Variants in ELFN1 observed in about 807,000 individuals in gnomAD.
ELFN1 encodes extracellular leucine rich repeat and fibronectin type III domain containing 1.
ELFN1 carries 6 observed loss-of-function variants against 7.6 expected under a neutral mutation model. That is an observed-to-expected ratio of 0.79 (90% CI 0.43 to 1.56). ELFN1 has a LOEUF of 1.56. ELFN1 is among the 40% of genes most tolerant of loss of function. The pLI is 0.01. For synonymous variants in ELFN1, 657 were observed against 588.1 expected (o/e 1.12, Z -1.70); for missense variants, 1,169 against 1,232.2 (o/e 0.95, Z 0.77).
rs1184500482 is a variant in ELFN1 at position 1,670,440 on chromosome 7, C to G, written c.-549+86C>G. On this transcript the variant is annotated intron_variant, in intron 1 of 3. Coordinates refer to ENST00000424383, the MANE Select transcript of ELFN1 (RefSeq NM_001128636.4). This position sits in a 1 kb window ranked among gnomAD's most constrained non-coding sequence, Gnocchi z 6.4. ...GGGAGCGGCGCGGCCAAGCCCCCCG[C>G]CACCTCGAACCCCGGGCGTCCCCGA... Among the ~76,000 whole-genome samples, 1 of 151,736 alleles carries G rather than the reference C, an allele frequency of 6.6e-6. No individual in the cohort carries two copies. Among genetic ancestry groups the G allele is most frequent in the African/African-American group, 2.4e-5 (1 of 41,340 alleles).
Position 1,698,274 on chromosome 7 carries a change from T to C in ELFN1, c.-456+10124T>C, listed in dbSNP as rs374237148. Among the ~76,000 whole-genome samples, 106 of 152,362 alleles carry C rather than the reference T, an allele frequency of 7.0e-4. 2 individuals are homozygous for C. The South Asian group carries it at 0.021, about 31-fold the overall frequency. On this transcript the variant is annotated intron_variant, in intron 2 of 3. Transcript: ENST00000424383. The stretch of plus-strand genomic sequence containing the variant: ...ACTTATCAAATTTACAGCTCTCATA[T>C]ACAATTCATCAGGTTAATGCCTTCG...
In ELFN1 at chr7:1,744,990, G is replaced by T; in HGVS notation, c.394G>T (p.Gly132Cys). The T allele has an allele frequency of 6.4e-7, 1 of 1,551,126 alleles. No individual in the cohort carries two copies. Among genetic ancestry groups the T allele is most frequent in the Non-Finnish European group, 8.7e-7 (1 of 1,147,000 alleles). Residue 132 changes from glycine (G) to cysteine (C), a missense_variant, in exon 4 of 4, where the codon GGC becomes TGC. Physicochemically the swap from Gly to Cys is radical, Grantham distance 159. Around this residue, in one of 2 missense-constraint regions of ELFN1, gnomAD observed 255 missense variants for 359.6 expected, o/e 0.71. Coordinates refer to ENST00000424383, the MANE Select transcript of ELFN1 (RefSeq NM_001128636.4). ...NLTEGMLRGLGKLEYLYLQAN... is the reference protein window; with the variant it reads ...NLTEGMLRGLCKLEYLYLQAN... ...CACGGAGGGCATGCTGCGCGGCCTGGGCAAGCTGGAGTACCTGTACCTGCA... is the reference window on the plus strand; with the variant it reads ...CACGGAGGGCATGCTGCGCGGCCTGTGCAAGCTGGAGTACCTGTACCTGCA...
At chr7:1,675,632 G>A (rs1449288215) in intron 1 of ELFN1, among the ~76,000 whole-genome samples, 1 of 152,216 alleles carries the variant, frequency 6.6e-6, no homozygotes, top group Non-Finnish European at 1.5e-5. Flanking sequence ...GCCGAGGAGC[G>A]GGGTCTGGAA....
intron 3 of ELFN1, among the ~76,000 whole-genome samples, chr7:1,728,776 T>C (rs1341963265): frequency 6.6e-6 from 1 of 152,132 alleles, no homozygotes; most frequent in Non-Finnish European, 1.5e-5. Context: ...TATCAGGAAC[T>C]GAGTGGGAGG....
chr7:1,705,985 G>A lies in ELFN1; in HGVS notation c.-455-3106G>A, dbSNP rs2128586163. On this transcript the variant is annotated intron_variant, in intron 2 of 3. Coordinates refer to ENST00000424383, the MANE Select transcript of ELFN1 (RefSeq NM_001128636.4). This position sits in a 1 kb window ranked among gnomAD's most constrained non-coding sequence, Gnocchi z 4.3. Reference sequence around the variant, plus strand: ...GTCACGATCGTCCTTGTTCTACAGGGAGGGAAACTGAGGCACAGCATTCCA... The same window carrying A: ...GTCACGATCGTCCTTGTTCTACAGGAAGGGAAACTGAGGCACAGCATTCCA... Among the ~76,000 whole-genome samples, 1 of 152,278 alleles carries A rather than the reference G, an allele frequency of 6.6e-6. No individual in the cohort carries two copies. Among genetic ancestry groups the A allele is most frequent in the African/African-American group, 2.4e-5 (1 of 41,558 alleles).
In ELFN1 at chr7:1,746,477, C is replaced by G; in HGVS notation, c.1881C>G (p.His627Gln). The change falls in exon 4 of 4, where the codon CAC becomes CAG. Residue 627 changes from histidine to glutamine, a missense_variant. By Grantham distance (24) the His-to-Gln change is conservative (BLOSUM62 0). Around this residue, in one of 2 missense-constraint regions of ELFN1, gnomAD observed 914 missense variants for 872.6 expected, o/e 1.05. Coordinates refer to ENST00000424383, the MANE Select transcript of ELFN1 (RefSeq NM_001128636.4). ...CCTTCGGCCACAGCCTGCAGCGGCA[C>G]CACAGCGTGGAGGCCGCCGGGCCCC... is the stretch of plus-strand genomic sequence containing the variant. ...KDAFGHSLQR[H>Q]HSVEAAGPPR... is the part of the protein sequence containing the mutation. 1 of 1,514,092 alleles carries G rather than the reference C, an allele frequency of 6.6e-7. No individual in the cohort carries two copies. The highest frequency in any genetic ancestry group is 2.5e-5 in the East Asian group (1 of 39,554). 93.8% of individuals were successfully genotyped at this position (1,514,092 alleles called of 1,614,324 possible). A position where few individuals can be genotyped will look rare whatever the true frequency, so the allele number is the denominator to read the frequency against.
intron 3 of ELFN1, among the ~76,000 whole-genome samples, chr7:1,721,482 A>G (rs1780020221): frequency 2.0e-5 from 3 of 152,252 alleles, no homozygotes; most frequent in African/African-American, 7.2e-5. Context: ...GCCATGCCCT[A>G]GCGTGGCGTC....
intron 2 of ELFN1, among the ~76,000 whole-genome samples, chr7:1,703,088 T>C (rs1459452795): frequency 6.6e-6 from 1 of 152,256 alleles, no homozygotes; most frequent in Non-Finnish European, 1.5e-5. Context: ...ATGTCTACTT[T>C]GATGGGCCCA....
intron 3 of ELFN1, among the ~76,000 whole-genome samples, chr7:1,717,833 A>G (rs1023302165): frequency 1.3e-5 from 2 of 152,004 alleles, no homozygotes; most frequent in African/African-American, 2.4e-5. Flanking sequence ...GCAGGGGAGG[A>G]GGAAGTTGTA....
chr7:1,683,998 A>T (rs865890926), intron 1 of ELFN1, among the ~76,000 whole-genome samples: 2 of 152,074 alleles, frequency 1.3e-5, no homozygotes, highest in Non-Finnish European at 2.9e-5. Flanking sequence ...AAAAATTTTT[A>T]AATTAGCTGG....
chr7:1,745,881 A>ATGGTGC lies in ELFN1; in HGVS notation c.1295_1300dup (p.Val432_Leu433dup). 1 of 1,592,540 alleles carries ATGGTGC rather than the reference A, an allele frequency of 6.3e-7. No homozygotes were observed. The highest frequency in any genetic ancestry group is 8.5e-7 in the Non-Finnish European group (1 of 1,170,896). On this transcript the variant is annotated inframe_insertion, in exon 4 of 4. Coordinates refer to ENST00000424383, the MANE Select transcript of ELFN1 (RefSeq NM_001128636.4). Reference sequence around the variant, plus strand: ...GACCATCCTGGGCTGCCTCTTCGGCATGGTGCTGGTGCTGGGCGCCGTCTA... The same window carrying ATGGTGC: ...GACCATCCTGGGCTGCCTCTTCGGCATGGTGCTGGTGCTGGTGCTGGGCGCCGTCTA...
rs530001563 is a variant in ELFN1, at chr7:1,719,764, G to C, written c.-294+10512G>C. On this transcript the variant is annotated intron_variant, in intron 3 of 3. Coordinates refer to ENST00000424383, the MANE Select transcript of ELFN1 (RefSeq NM_001128636.4). ...GGATCAGGCCAGGAGCAAATGGCTA[G>C]GAGGTGGGGGGCCTCCCCTACCATC... 1.6e-3 allele frequency among the ~76,000 whole-genome samples: 241 copies of C among 152,346 alleles called. 1 individual carries two copies. The highest frequency in any genetic ancestry group is 5.6e-3 in the African/African-American group (232 of 41,578).
intron 3 of ELFN1, among the ~76,000 whole-genome samples, chr7:1,716,593 C>G (rs1478821729): frequency 6.6e-6 from 1 of 152,258 alleles, no homozygotes; most frequent in Non-Finnish European, 1.5e-5. Flanking sequence ...TATCCACATT[C>G]TGCACACACA....
At chr7:1,676,233 G>A (rs1464128875) in intron 1 of ELFN1, among the ~76,000 whole-genome samples, 1 of 152,206 alleles carries the variant, frequency 6.6e-6, no homozygotes, top group African/African-American at 2.4e-5. Context: ...CCTGCACTGA[G>A]GCCTCTGCCC....
intron 2 of ELFN1, among the ~76,000 whole-genome samples, chr7:1,696,054 C>T (rs980275178): frequency 1.3e-5 from 2 of 152,150 alleles, no homozygotes; most frequent in African/African-American, 2.4e-5. Flanking sequence ...CATTGTCTCC[C>T]CGCCCTGAGA....
chr7:1,701,157 T>C (rs1779421031), intron 2 of ELFN1, among the ~76,000 whole-genome samples: 1 of 151,360 alleles, frequency 6.6e-6, no homozygotes, highest in Non-Finnish European at 1.5e-5. Flanking sequence ...GGTGCACGCA[T>C]GTGTGTGTAT....
At position 1,705,618 on chromosome 7, in the gene ELFN1, A is replaced by G. The variant is rs548497876; in HGVS notation, c.-455-3473A>G. ...GTGTGATCAGCCACTCGGAGCCTCA[A>G]TTTACCCTCGCCTCTGGGGGCTGCT... On this transcript the variant is annotated intron_variant, in intron 2 of 3. Coordinates refer to ENST00000424383, the MANE Select transcript of ELFN1 (RefSeq NM_001128636.4). This position sits in a 1 kb window ranked among gnomAD's most constrained non-coding sequence, Gnocchi z 4.3. Among the ~76,000 whole-genome samples, 13 of 152,296 alleles carry G rather than the reference A, an allele frequency of 8.5e-5. No individual in the cohort carries two copies. The highest frequency in any genetic ancestry group is 2.1e-4 in the South Asian group (1 of 4,822).
chr7:1,672,362 C>T (rs1394623709), intron 1 of ELFN1, among the ~76,000 whole-genome samples: 1 of 152,206 alleles, frequency 6.6e-6, no homozygotes, highest in Non-Finnish European at 1.5e-5. Context: ...GCTGCTGCTC[C>T]TCCACCTCCC....
At chr7:1,730,182 G>A (rs994328885) in intron 3 of ELFN1, among the ~76,000 whole-genome samples, 8 of 152,376 alleles carry the variant, frequency 5.3e-5, no homozygotes, top group African/African-American at 1.4e-4. Context: ...CAAATGAGGC[G>A]TGACATTTCA....
Sources: gnomAD v4.1 joint callset for allele counts (sites outside exome capture counted in the v4.1 genomes callset) on GRCh38, gnomAD v4.1.1 for gene constraint, gnomAD v4.1.1 regional missense constraint, Gnocchi (gnomAD v3.1) non-coding constraint, MANE v1.5 for transcripts, NCBI Gene and HGNC (gene_info 2026-07-23, HGNC 2026-07-21) for gene names.